Variants in SGCD observed in about 807,000 individuals in gnomAD.
SGCD encodes the protein sarcoglycan delta.
In SGCD, 18 loss-of-function variants were observed where a neutral mutation model predicts 36.6. The ratio of observed to expected loss-of-function variants is 0.49; its 90% CI spans 0.34 to 0.73. The LOEUF (loss-of-function observed/expected upper bound fraction) is 0.73, where lower values mean the gene tolerates loss of function less well. Ranked by LOEUF, SGCD falls within the 30% of genes least tolerant of loss-of-function variation. SGCD has a pLI of 0.01. For missense variants in SGCD, 387 were observed against 346.7 expected (o/e 1.12, Z -0.92); for synonymous variants, 133 against 130.6 (o/e 1.02, Z -0.12).
intron 7 of SGCD, among the ~76,000 whole-genome samples, chr5:156,752,582 G>A (rs543904376): frequency 6.6e-6 from 1 of 152,152 alleles, no homozygotes; most frequent in South Asian, 2.1e-4. Flanking sequence ...TAGTAGAGAC[G>A]GGGTTATCAC....
In SGCD at chr5:156,568,189, G is replaced by A. The variant is rs1453463807; in HGVS notation, c.295-21042G>A. Reference sequence around the variant, plus strand: ...CAGATCACTTAAGGTCAGGATCACAGCCTGGCCAACATGGTGAAACCTCTT... The same window carrying A: ...CAGATCACTTAAGGTCAGGATCACAACCTGGCCAACATGGTGAAACCTCTT... On this transcript the variant is annotated intron_variant, in intron 4 of 8. Transcript: ENST00000337851. Among the ~76,000 whole-genome samples the A allele has an allele frequency of 2.0e-5, 3 of 152,024 alleles. No individual in the cohort carries two copies. In the South Asian group the frequency reaches 6.2e-4, roughly 32 times the overall value.
intron 4 of SGCD, among the ~76,000 whole-genome samples, chr5:156,547,529 G>A (rs1215477161): frequency 2.0e-5 from 3 of 150,838 alleles, no homozygotes; most frequent in South Asian, 4.2e-4. Flanking sequence ...TGCGAGCTCC[G>A]CCTCCCGGGT....
At chr5:156,715,106 C>T (rs1377169692) in intron 7 of SGCD, among the ~76,000 whole-genome samples, 2 of 152,206 alleles carry the variant, frequency 1.3e-5, no homozygotes, top group Non-Finnish European at 2.9e-5. Context: ...CTTCAGGAAA[C>T]CATCTTCCAT....
the SGCD span, among the ~76,000 whole-genome samples, chr5:155,799,449 A>T: frequency 6.7e-6 from 1 of 150,354 alleles, no homozygotes; most frequent in Non-Finnish European, 1.5e-5. Flanking sequence ...GGTCGAGTGC[A>T]GTGTCATGAT....
intron 1 of SGCD, among the ~76,000 whole-genome samples, chr5:156,070,491 ATGAC>A (rs1353736166): frequency 6.7e-6 from 1 of 149,508 alleles, no homozygotes; most frequent in East Asian, 1.9e-4. Context: ...CCACTTGATC[ATGAC>A]TGATAAGCTT....
chr5:156,682,717 A>G (rs1161720973), intron 7 of SGCD, among the ~76,000 whole-genome samples: 1 of 152,248 alleles, frequency 6.6e-6, no homozygotes, highest in Admixed American at 6.5e-5. Context: ...TCATTTGATC[A>G]GCAGGGGCTG....
intron 1 of SGCD, among the ~76,000 whole-genome samples, chr5:156,002,680 G>A (rs150675942): frequency 9.2e-5 from 14 of 152,270 alleles, no homozygotes; most frequent in African/African-American, 2.9e-4. Flanking sequence ...AGTATGTTAG[G>A]ATCACTCAGA....
chr5:156,380,174 A>AT (rs1241874618), intron 3 of SGCD, among the ~76,000 whole-genome samples: 1 of 151,762 alleles, frequency 6.6e-6, no homozygotes, highest in Non-Finnish European at 1.5e-5. Context: ...GATTTAGATT[A>AT]TTTTTCCAGG....
At chr5:156,541,002 C>T (rs997029876) in intron 4 of SGCD, among the ~76,000 whole-genome samples, 5 of 152,108 alleles carry the variant, frequency 3.3e-5, no homozygotes, top group Admixed American at 2.0e-4. Context: ...CAAAGTGTGA[C>T]GTAAGGAGAA....
intron 3 of SGCD, among the ~76,000 whole-genome samples, chr5:156,236,683 C>T (rs968751196): frequency 2.0e-5 from 3 of 151,964 alleles, no homozygotes; most frequent in African/African-American, 7.2e-5. Flanking sequence ...CTCCTGACCT[C>T]GTGATCCACC....
At chr5:155,973,598 T>C (rs977585755) in intron 1 of SGCD, among the ~76,000 whole-genome samples, 4 of 152,148 alleles carry the variant, frequency 2.6e-5, no homozygotes, top group Non-Finnish European at 4.4e-5. Context: ...TTTACCTAAG[T>C]CTGCAAGTTA....
the SGCD span, among the ~76,000 whole-genome samples, chr5:155,742,200 A>C: frequency 6.6e-6 from 1 of 152,302 alleles, no homozygotes; most frequent in South Asian, 2.1e-4. Flanking sequence ...TGTTGATTTT[A>C]CTTATGATAA....
chr5:156,347,976 A>G (rs1340351179), intron 3 of SGCD, among the ~76,000 whole-genome samples: 1 of 152,226 alleles, frequency 6.6e-6, no homozygotes, highest in African/African-American at 2.4e-5. Context: ...TTGGTACTTT[A>G]TAGCCAATAA....
At chr5:156,038,737 A>AAAC (rs1238163457) in intron 1 of SGCD, among the ~76,000 whole-genome samples, 1 of 152,200 alleles carries the variant, frequency 6.6e-6, no homozygotes. Context: ...ATATGGGGAT[A>AAAC]AACAGCCTTT....
intron 3 of SGCD, among the ~76,000 whole-genome samples, chr5:156,260,818 A>C (rs1765839860): frequency 6.6e-6 from 1 of 152,208 alleles, no homozygotes; most frequent in South Asian, 2.1e-4. Context: ...ATTTGTATTT[A>C]TTTTAAATGT....
At chr5:156,707,505 T>G (rs1754794738) in intron 7 of SGCD, among the ~76,000 whole-genome samples, 1 of 152,060 alleles carries the variant, frequency 6.6e-6, no homozygotes, top group South Asian at 2.1e-4. Flanking sequence ...GTAACTAACA[T>G]GAAAGAGCCA....
At chr5:156,194,948 G>T (rs777043863) in intron 3 of SGCD, among the ~76,000 whole-genome samples, 1 of 152,110 alleles carries the variant, frequency 6.6e-6, no homozygotes, top group African/African-American at 2.4e-5. Flanking sequence ...GTCAATAATA[G>T]CTGTGGCATT....
At chr5:155,799,416 T>G in the SGCD span, among the ~76,000 whole-genome samples, 53 of 151,184 alleles carry the variant, frequency 3.5e-4, no homozygotes, top group African/African-American at 1.2e-3. Flanking sequence ...TTTTTTGAGA[T>G]GGAGTCTTGC....
intron 4 of SGCD, among the ~76,000 whole-genome samples, chr5:156,575,246 A>T (rs1428161879): frequency 6.6e-6 from 1 of 152,190 alleles, no homozygotes. Flanking sequence ...GATTGACTTC[A>T]TGGGGAAGAG....
Sources: gnomAD v4.1 joint callset for allele counts (sites outside exome capture counted in the v4.1 genomes callset) on GRCh38, gnomAD v4.1.1 for gene constraint, MANE v1.5 for transcripts, NCBI Gene and HGNC (gene_info 2026-07-23, HGNC 2026-07-21) for gene names.